The following ADGRL3 variants were observed in gnomAD, a reference collection of about 807,000 sequenced individuals.
ADGRL3 encodes the protein calcium-independent alpha-latrotoxin receptor 3.
In ADGRL3, 62 loss-of-function variants were observed where a neutral mutation model predicts 153.5. The observed-to-expected ratio is 0.40, with a 90% confidence interval of 0.33 to 0.50. The LOEUF is 0.50. Ranked by LOEUF, ADGRL3 falls within the 20% of genes least tolerant of loss-of-function variation. The pLI, the probability that ADGRL3 is intolerant of heterozygous loss-of-function variation, is 0.47. For synonymous variants in ADGRL3, 710 were observed against 672.5 expected (o/e 1.06, Z -0.86); for missense variants, 1,641 against 1,859.4 (o/e 0.88, Z 2.16).
chr4:61,986,982 C>G (rs2099087701), intron 19 of ADGRL3, among the ~76,000 whole-genome samples: 2 of 152,164 alleles, frequency 1.3e-5, no homozygotes, highest in South Asian at 2.1e-4. Context: ...TTAATCAAGA[C>G]ATCACAGTGA....
In ADGRL3 at chr4:61,707,097, C is replaced by T. The variant is rs868191816; in HGVS notation, c.584-23525C>T. On this transcript the variant is annotated intron_variant, in intron 6 of 26. Coordinates refer to ENST00000683033, the MANE Select transcript of ADGRL3 (RefSeq NM_001387552.1). Reference sequence around the variant, plus strand: ...CCAAAGAAGGGGAAAGGGAGAGAGACAGGAAATGGCTGATCAGTAGAGCAG... The same window carrying T: ...CCAAAGAAGGGGAAAGGGAGAGAGATAGGAAATGGCTGATCAGTAGAGCAG... 7.2e-5 allele frequency among the ~76,000 whole-genome samples: 11 copies of T among 152,182 alleles called. No individual in the cohort carries two copies. The Middle Eastern group carries it at 0.017, about 235-fold the overall frequency.
At chr4:61,419,031 A>G (rs1195859188) in intron 2 of ADGRL3, among the ~76,000 whole-genome samples, 3 of 150,844 alleles carry the variant, frequency 2.0e-5, no homozygotes, top group Non-Finnish European at 4.4e-5. Flanking sequence ...CTCAGAATGC[A>G]TAGCTTAGAT....
At position 61,733,326 on chromosome 4, in the gene ADGRL3, G is replaced by T; in HGVS notation, c.1171G>T (p.Val391Phe). ...AFMICGILYV[V>F]KSVYEDDDNE... Reference sequence around the variant, plus strand: ...TATGATTTGTGGAATTCTGTATGTGGTCAAATCTGTATATGAGGATGATGA... The same window carrying T: ...TATGATTTGTGGAATTCTGTATGTGTTCAAATCTGTATATGAGGATGATGA... The change falls in exon 8 of 27, where the codon GTC becomes TTC. Residue 391 changes from valine to phenylalanine, a missense_variant. This residue lies in a region of ADGRL3 where 213 missense variants were observed against 362.1 expected (regional missense o/e 0.59). Coordinates refer to ENST00000683033, the MANE Select transcript of ADGRL3 (RefSeq NM_001387552.1). The T allele has an allele frequency of 6.2e-7, 1 of 1,613,680 alleles. No homozygotes were observed. The highest frequency in any genetic ancestry group is 8.5e-7 in the Non-Finnish European group (1 of 1,179,802).
At chr4:61,376,372 CAG>C (rs1313984317) in intron 1 of ADGRL3, among the ~76,000 whole-genome samples, 3 of 150,686 alleles carry the variant, frequency 2.0e-5, no homozygotes, top group South Asian at 2.1e-4. Flanking sequence ...GGGATAAAAA[CAG>C]AGGATAAGTT....
Position 61,799,065 on chromosome 4 carries a change from GTAGA to G in ADGRL3, c.1400-14736_1400-14733del, listed in dbSNP as rs542731471. ...CCATATATTGTATAGTTATACAGTG[GTAGA>G]TAGATAGGTAGATGGATAGATAGAT... On this transcript the variant is annotated intron_variant, in intron 8 of 26. Transcript: ENST00000683033. 5.0e-3 allele frequency among the ~76,000 whole-genome samples: 608 copies of G among 122,332 alleles called. 9 individuals carry two copies. Among genetic ancestry groups the G allele is most frequent in the Non-Finnish European group, 8.0e-3 (480 of 59,958 alleles). The allele number at this position is 122,332 out of a possible 152,430, so 80.3% of individuals were successfully genotyped here.
rs187474881 is a variant in ADGRL3, at chr4:61,743,846, G to A, written c.1399+10292G>A. 4.7e-4 allele frequency among the ~76,000 whole-genome samples: 71 copies of A among 152,302 alleles called. 1 individual carries two copies. In the South Asian group the frequency reaches 8.1e-3, roughly 17 times the overall value. ...TACCGGGTTCATCTCACTAGGGAGT[G>A]CCAGACAGTGGGCGCAGGACAGTGG... is the stretch of plus-strand genomic sequence containing the variant. On this transcript the variant is annotated intron_variant, in intron 8 of 26. Coordinates refer to ENST00000683033, the MANE Select transcript of ADGRL3 (RefSeq NM_001387552.1).
chr4:61,959,267 C>T (rs1358445812), intron 17 of ADGRL3, among the ~76,000 whole-genome samples: 1 of 152,108 alleles, frequency 6.6e-6, no homozygotes, highest in African/African-American at 2.4e-5. Flanking sequence ...TTGTAGAGCA[C>T]CGTAACATAT....
At chr4:61,365,948 T>A (rs1039969677) in intron 1 of ADGRL3, among the ~76,000 whole-genome samples, 1 of 152,214 alleles carries the variant, frequency 6.6e-6, no homozygotes, top group African/African-American at 2.4e-5. Flanking sequence ...AGCTATAATC[T>A]TAATTTTCTT....
At chr4:61,981,764 T>C (rs1483457550) in intron 18 of ADGRL3, among the ~76,000 whole-genome samples, 1 of 152,184 alleles carries the variant, frequency 6.6e-6, no homozygotes, top group Non-Finnish European at 1.5e-5. Flanking sequence ...TTGAGCATAA[T>C]AAATAGTTCG....
At chr4:61,640,367 A>G (rs565875273) in intron 5 of ADGRL3, among the ~76,000 whole-genome samples, 8 of 152,262 alleles carry the variant, frequency 5.3e-5, no homozygotes, top group African/African-American at 1.9e-4. Context: ...ATGGTGTTAA[A>G]TAAAAAGGTT....
intron 1 of ADGRL3, among the ~76,000 whole-genome samples, chr4:61,359,244 T>C (rs543959112): frequency 9.4e-4 from 143 of 152,328 alleles, no homozygotes; most frequent in African/African-American, 3.1e-3. Flanking sequence ...CTAGTTGGAC[T>C]GGCTGCCTAT....
chr4:61,395,653 C>T (rs977781413), intron 2 of ADGRL3, among the ~76,000 whole-genome samples: 1 of 151,688 alleles, frequency 6.6e-6, no homozygotes, highest in Middle Eastern at 3.4e-3. Flanking sequence ...AGGTAATGAC[C>T]TATTCTGAAT....
intron 2 of ADGRL3, among the ~76,000 whole-genome samples, chr4:61,479,848 A>T (rs2098113369): frequency 6.6e-6 from 1 of 152,136 alleles, no homozygotes; most frequent in Admixed American, 6.5e-5. Flanking sequence ...CAAAATTATC[A>T]ATTTAATTTT....
rs1747635640 is a variant in ADGRL3 at position 62,077,840 on chromosome 4, A to C, written c.*6932A>C. 1 of 152,156 alleles carries C rather than the reference A, an allele frequency of 6.6e-6. No homozygotes were observed. The highest frequency in any genetic ancestry group is 2.1e-4 in the South Asian group (1 of 4,830). 9.4% of individuals were successfully genotyped at this position (152,156 alleles called of 1,614,324 possible). ...TCTTGAAACAACTATAGACAATCAGAATGTGTTCATTTATAAAGTATCACT... is the reference window on the plus strand; with the variant it reads ...TCTTGAAACAACTATAGACAATCAGCATGTGTTCATTTATAAAGTATCACT... On this transcript the variant is annotated 3_prime_UTR_variant, in exon 27 of 27. Coordinates refer to ENST00000683033, the MANE Select transcript of ADGRL3 (RefSeq NM_001387552.1).
intron 2 of ADGRL3, among the ~76,000 whole-genome samples, chr4:61,416,270 T>C (rs545050824): frequency 6.6e-6 from 1 of 152,000 alleles, no homozygotes; most frequent in South Asian, 2.1e-4. Context: ...TCAAAGAAAC[T>C]AGTAATTTTT....
In ADGRL3 at chr4:61,417,011, C is replaced by T. The variant is rs1260987750; in HGVS notation, c.-174+33822C>T. On this transcript the variant is annotated intron_variant, in intron 2 of 26. Coordinates refer to ENST00000683033, the MANE Select transcript of ADGRL3 (RefSeq NM_001387552.1). ...CATAAGAAACAGGCAGCCTAGATCC[C>T]TCCCATGCACACTTCACAATAAGGT... Among the ~76,000 whole-genome samples, 3 of 152,170 alleles carry T rather than the reference C, an allele frequency of 2.0e-5. No homozygotes were observed. In the East Asian group the frequency reaches 5.8e-4, roughly 30 times the overall value.
At chr4:61,454,609 T>G (rs1189359818) in intron 2 of ADGRL3, among the ~76,000 whole-genome samples, 1 of 152,126 alleles carries the variant, frequency 6.6e-6, no homozygotes, top group African/African-American at 2.4e-5. Context: ...TTATTTTGCA[T>G]ATAGTCTGTA....
chr4:61,498,270 G>A (rs189723168), intron 3 of ADGRL3, among the ~76,000 whole-genome samples: 5 of 152,088 alleles, frequency 3.3e-5, no homozygotes, highest in African/African-American at 1.2e-4. Flanking sequence ...CAAAAGAACG[G>A]CTGGGCACCA....
At position 61,957,172 on chromosome 4, in the gene ADGRL3, G is replaced by A. The variant is rs546753661; in HGVS notation, c.2805+8896G>A. ...ATTGATTCGTCCTATCCATGAAGAT[G>A]GGATGTTTTTCCATTTGTTTATGTC... On this transcript the variant is annotated intron_variant, in intron 17 of 26. Transcript: ENST00000683033. Among the ~76,000 whole-genome samples, 54 of 152,220 alleles carry A rather than the reference G, an allele frequency of 3.5e-4. 1 individual carries two copies. The South Asian group carries it at 8.1e-3, about 23-fold the overall frequency.
Sources: gnomAD v4.1 joint callset for allele counts (sites outside exome capture counted in the v4.1 genomes callset) on GRCh38, gnomAD v4.1.1 for gene constraint, gnomAD v4.1.1 regional missense constraint, MANE v1.5 for transcripts, NCBI Gene and HGNC (gene_info 2026-07-23, HGNC 2026-07-21) for gene names.